Variants in KIRREL3 observed in about 807,000 individuals in gnomAD.
KIRREL3 encodes kirre like nephrin family adhesion molecule 3.
KIRREL3 carries 36 observed loss-of-function variants against 89.7 expected under a neutral mutation model. That is an observed-to-expected ratio of 0.40 (90% CI 0.31 to 0.53). The LOEUF (loss-of-function observed/expected upper bound fraction) is 0.53. Ranked by LOEUF, KIRREL3 falls within the 20% of genes least tolerant of loss-of-function variation. The pLI, the probability that KIRREL3 is intolerant of heterozygous loss-of-function variation, is 0.49. For synonymous variants in KIRREL3, 445 were observed against 441.4 expected, an observed-to-expected ratio of 1.01 and a Z score of -0.10; for missense variants, 864 against 1,056.6, an observed-to-expected ratio of 0.82 and a Z score of 2.53.
At chr11:126,956,580 C>T (rs868178967) in intron 1 of KIRREL3, among the ~76,000 whole-genome samples, 6 of 152,254 alleles carry the variant, frequency 3.9e-5, no homozygotes, top group Admixed American at 6.5e-5. Flanking sequence ...GACGTGACTC[C>T]AGTAAAAATG....
Position 126,783,022 on chromosome 11 carries a change from G to A in KIRREL3, c.55+217433C>T, listed in dbSNP as rs1228946456. On this transcript the variant is annotated intron_variant, in intron 1 of 16. Transcript: ENST00000525144. This position sits in a 1 kb window ranked among gnomAD's most constrained non-coding sequence, Gnocchi z 4.3. ...TCTTGTAGTGCCAGAAAATAAGGAAGTGCTCTGTGCTAGTTTCCTAGAGAT... is the reference window on the plus strand; with the variant it reads ...TCTTGTAGTGCCAGAAAATAAGGAAATGCTCTGTGCTAGTTTCCTAGAGAT... 6.6e-6 allele frequency among the ~76,000 whole-genome samples: 1 copy of A among 152,192 alleles called. No homozygotes were observed. The highest frequency in any genetic ancestry group is 6.5e-5 in the Admixed American group (1 of 15,274).
Position 126,677,244 on chromosome 11 carries a change from A to G in KIRREL3, c.56-114332T>C, listed in dbSNP as rs1946236100. Among the ~76,000 whole-genome samples the G allele has an allele frequency of 6.6e-6, 1 of 152,066 alleles. No homozygotes were observed. Among genetic ancestry groups the G allele is most frequent in the African/African-American group, 2.4e-5 (1 of 41,412 alleles). Reference sequence around the variant, plus strand: ...CCTTAGCCTCAGCCTCTCCCTCCCCATCACCTGGGTTTTAGGCGACTACTA... The same window carrying G: ...CCTTAGCCTCAGCCTCTCCCTCCCCGTCACCTGGGTTTTAGGCGACTACTA... On this transcript the variant is annotated intron_variant, in intron 1 of 16. Coordinates refer to ENST00000525144, the MANE Select transcript of KIRREL3 (RefSeq NM_032531.4). This position sits in a 1 kb window ranked among gnomAD's most constrained non-coding sequence, Gnocchi z 5.1.
intron 1 of KIRREL3, among the ~76,000 whole-genome samples, chr11:126,910,828 T>A (rs145738545): frequency 3.2e-4 from 49 of 152,326 alleles, no homozygotes; most frequent in African/African-American, 1.2e-3. Flanking sequence ...AGGGGAAACA[T>A]CTCTGATGGC....
chr11:126,873,970 TC>T (rs2134680080), intron 1 of KIRREL3, among the ~76,000 whole-genome samples: 1 of 152,166 alleles, frequency 6.6e-6, no homozygotes, highest in East Asian at 1.9e-4. Context: ...GAATTCTATC[TC>T]CCCAGCCTGG....
At chr11:126,638,642 C>T (rs534152203) in intron 1 of KIRREL3, among the ~76,000 whole-genome samples, 1 of 152,318 alleles carries the variant, frequency 6.6e-6, no homozygotes, top group African/African-American at 2.4e-5. Context: ...CCCTCCGTAT[C>T]TTTCCCTCAC....
intron 1 of KIRREL3, among the ~76,000 whole-genome samples, chr11:126,658,478 GT>G (rs932299814): frequency 6.6e-6 from 1 of 152,158 alleles, no homozygotes; most frequent in Non-Finnish European, 1.5e-5. Context: ...AGTAATGAAT[GT>G]TCACCACTGC....
rs1947658618 is a variant in KIRREL3, at chr11:126,709,168, T to C, written c.56-146256A>G. On this transcript the variant is annotated intron_variant, in intron 1 of 16. Transcript: ENST00000525144. This position sits in a 1 kb window ranked among gnomAD's most constrained non-coding sequence, Gnocchi z 4.0. ...TAATACCGTCAACGACCATATAAAG[T>C]GTGTTTGATTATCCTTAAGCAAAAA... 6.6e-6 allele frequency among the ~76,000 whole-genome samples: 1 copy of C among 152,256 alleles called. No homozygotes were observed. The highest frequency in any genetic ancestry group is 6.5e-5 in the Admixed American group (1 of 15,294).
chr11:126,767,337 G>T (rs1157435018), intron 1 of KIRREL3, among the ~76,000 whole-genome samples: 1 of 152,172 alleles, frequency 6.6e-6, no homozygotes, highest in Admixed American at 6.5e-5. Flanking sequence ...TGTCAGTGGT[G>T]ATCAAGCTAT....
In KIRREL3 at chr11:126,978,649, T is replaced by A. The variant is rs138484212; in HGVS notation, c.55+21806A>T. ...ATGCTTCCCAGGCTTTAGCACCTGC[T>A]ACTCCCTCTTCTCCTCATCCCGCTC... On this transcript the variant is annotated intron_variant, in intron 1 of 16. Transcript: ENST00000525144. The surrounding 1 kb of genome is among the most constrained non-coding windows in gnomAD (Gnocchi z 4.2). 9.2e-5 allele frequency among the ~76,000 whole-genome samples: 14 copies of A among 152,272 alleles called. No individual in the cohort carries two copies. The East Asian group carries it at 2.7e-3, about 29-fold the overall frequency.
At chr11:126,439,532 A>G (rs1189844983) in intron 11 of KIRREL3, among the ~76,000 whole-genome samples, 2 of 149,240 alleles carry the variant, frequency 1.3e-5, no homozygotes, top group Non-Finnish European at 3.0e-5. Context: ...AAATGCAGAT[A>G]CTGGCTGGGC....
At chr11:126,871,304 G>A (rs886610416) in intron 1 of KIRREL3, among the ~76,000 whole-genome samples, 15 of 152,162 alleles carry the variant, frequency 9.9e-5, no homozygotes, top group Non-Finnish European at 1.9e-4. Flanking sequence ...CCACCTTTGA[G>A]AGAAAATCAA....
At chr11:126,815,843 ATTT>A (rs1190511350) in intron 1 of KIRREL3, among the ~76,000 whole-genome samples, 1 of 151,984 alleles carries the variant, frequency 6.6e-6, no homozygotes, top group Non-Finnish European at 1.5e-5. Context: ...CCGAGCTATT[ATTT>A]TTATCATGAG....
chr11:126,821,351 A>ATATATGTGTG (rs756545626), intron 1 of KIRREL3, among the ~76,000 whole-genome samples: 10 of 105,168 alleles, frequency 9.5e-5, no homozygotes, highest in Admixed American at 3.7e-4. Flanking sequence ...ATATATATAT[A>ATATATGTGTG]TGTAACTTCC....
In KIRREL3 at chr11:126,689,386, C is replaced by T. The variant is rs1282461392; in HGVS notation, c.56-126474G>A. On this transcript the variant is annotated intron_variant, in intron 1 of 16. Transcript: ENST00000525144. The surrounding 1 kb of genome is among the most constrained non-coding windows in gnomAD (Gnocchi z 5.2). ...CCCCTGGGAGCCCAGAGTCCCCATC[C>T]TTGCATCTCATGATCTATCATTTAA... is the stretch of plus-strand genomic sequence containing the variant. Among the ~76,000 whole-genome samples, 2 of 152,214 alleles carry T rather than the reference C, an allele frequency of 1.3e-5. No individual in the cohort carries two copies. The highest frequency in any genetic ancestry group is 1.3e-4 in the Admixed American group (2 of 15,284).
At chr11:126,466,062 T>G (rs952982636) in intron 5 of KIRREL3, among the ~76,000 whole-genome samples, 4 of 151,970 alleles carry the variant, frequency 2.6e-5, no homozygotes, top group Non-Finnish European at 4.4e-5. Flanking sequence ...CTCTGGGCGG[T>G]GGGTGCCAGT....
In KIRREL3 at chr11:126,897,196, C is replaced by A. The variant is rs1237939719; in HGVS notation, c.55+103259G>T. On this transcript the variant is annotated intron_variant, in intron 1 of 16. Coordinates refer to ENST00000525144, the MANE Select transcript of KIRREL3 (RefSeq NM_032531.4). This position sits in a 1 kb window ranked among gnomAD's most constrained non-coding sequence, Gnocchi z 4.2. ...CAGGTGGTCCCATGGGGAAGGGCAGCAATTTGGCCCCAGGACACCAGGTTG... is the reference window on the plus strand; with the variant it reads ...CAGGTGGTCCCATGGGGAAGGGCAGAAATTTGGCCCCAGGACACCAGGTTG... Among the ~76,000 whole-genome samples, 2 of 152,122 alleles carry A rather than the reference C, an allele frequency of 1.3e-5. No homozygotes were observed. The highest frequency in any genetic ancestry group is 2.9e-5 in the Non-Finnish European group (2 of 68,016).
chr11:126,554,850 G>C (rs999027456), intron 2 of KIRREL3, among the ~76,000 whole-genome samples: 1 of 152,132 alleles, frequency 6.6e-6, no homozygotes, highest in Non-Finnish European at 1.5e-5. Context: ...AAAGACTTCA[G>C]CTGGCAGAGT....
intron 1 of KIRREL3, among the ~76,000 whole-genome samples, chr11:126,914,669 G>A (rs1004615385): frequency 1.3e-5 from 2 of 152,184 alleles, no homozygotes; most frequent in African/African-American, 2.4e-5. Flanking sequence ...GGTAGCATAC[G>A]CCACTTTTTC....
intron 1 of KIRREL3, among the ~76,000 whole-genome samples, chr11:126,792,967 T>C (rs562514274): frequency 2.0e-5 from 3 of 152,074 alleles, no homozygotes; most frequent in Non-Finnish European, 2.9e-5. Flanking sequence ...GGTTCTTCTA[T>C]TGGGGGGTTC....
Sources: gnomAD v4.1 joint callset for allele counts (sites outside exome capture counted in the v4.1 genomes callset) on GRCh38, gnomAD v4.1.1 for gene constraint, Gnocchi (gnomAD v3.1) non-coding constraint, MANE v1.5 for transcripts, NCBI Gene and HGNC (gene_info 2026-07-23, HGNC 2026-07-21) for gene names.